RALGAPA2: variants seen among roughly 807,000 people sequenced by gnomAD.
RALGAPA2 encodes Ral GTPase activating protein catalytic subunit alpha 2.
RALGAPA2 carries 139 observed loss-of-function variants against 230.4 expected under a neutral mutation model. The ratio of observed to expected loss-of-function variants is 0.60; its 90% CI spans 0.53 to 0.69. The LOEUF (loss-of-function observed/expected upper bound fraction) is 0.69. Ranked by LOEUF, RALGAPA2 falls within the 30% of genes least tolerant of loss-of-function variation. The pLI, the probability that RALGAPA2 is intolerant of heterozygous loss-of-function variation, is 0.00. For missense variants in RALGAPA2, 2,163 were observed against 2,276.0 expected (o/e 0.95, Z 1.01); for synonymous variants, 847 against 837.8 (o/e 1.01, Z -0.19).
At chr20:20,411,066 TATAAG>T (rs878997285) in intron 38 of RALGAPA2, among the ~76,000 whole-genome samples, 8 of 152,178 alleles carry the variant, frequency 5.3e-5, no homozygotes, top group African/African-American at 1.4e-4. Flanking sequence ...TCACTTTGTG[TATAAG>T]ATATTTGTTA....
At chr20:20,598,731 C>T in intron 16 of RALGAPA2, 1 of 456,210 alleles carries the variant, frequency 2.2e-6, no homozygotes, top group Non-Finnish European at 4.4e-6. Flanking sequence ...AGAGAGCGCT[C>T]ACGGTGTGAA....
chr20:20,561,603 C>A (rs2064260016), intron 23 of RALGAPA2, among the ~76,000 whole-genome samples: 1 of 152,028 alleles, frequency 6.6e-6, no homozygotes, highest in Admixed American at 6.6e-5. Context: ...TGAAATTGTA[C>A]CCCCTTTTTG....
chr20:20,524,475 GT>G lies in RALGAPA2; in HGVS notation c.3830del (p.His1277ProfsTer8). On this transcript the variant is annotated frameshift_variant, in exon 30 of 40. Transcript: ENST00000202677. LOFTEE classifies it high-confidence loss of function. ...CMALPVSVLL[H>X]PVSTAVLEEQ... is the part of the protein sequence containing the mutation. ...CCTCTAGGACTGCTGTGGACACGGG[GT>G]GGAGAAGGACACTCACGGGCAATGC... The G allele has an allele frequency of 1.2e-6, 2 of 1,613,934 alleles. No individual in the cohort carries two copies. Among genetic ancestry groups the G allele is most frequent in the Non-Finnish European group, 1.7e-6 (2 of 1,179,842 alleles).
intron 37 of RALGAPA2, among the ~76,000 whole-genome samples, chr20:20,413,031 C>T (rs1423356533): frequency 6.6e-6 from 1 of 152,218 alleles, no homozygotes; most frequent in African/African-American, 2.4e-5. Flanking sequence ...GCACATACGA[C>T]GTTATGAATT....
At position 20,641,532 on chromosome 20, in the gene RALGAPA2, G is replaced by A. The variant is rs771093517; in HGVS notation, c.373-654C>T. Among the ~76,000 whole-genome samples the A allele has an allele frequency of 5.9e-5, 9 of 152,164 alleles. No homozygotes were observed. The South Asian group carries it at 8.3e-4, about 14-fold the overall frequency. ...CCATGCTCTGAATTGCCAGCATCAC[G>A]CTGTAGGAGACATCTACATAGGGAG... On this transcript the variant is annotated intron_variant, in intron 5 of 39. Coordinates refer to ENST00000202677, the MANE Select transcript of RALGAPA2 (RefSeq NM_020343.4).
At chr20:20,394,978 C>T (rs116906200) in intron 39 of RALGAPA2, among the ~76,000 whole-genome samples, 2,050 of 149,688 alleles carry the variant, frequency 0.014, 27 homozygotes, top group Middle Eastern at 0.061. Flanking sequence ...ATTCTGGATT[C>T]GAAGGAAAAC....
chr20:20,633,023 CTCTTTCTT>C (rs200404728), intron 9 of RALGAPA2, among the ~76,000 whole-genome samples: 1 of 150,270 alleles, frequency 6.7e-6, no homozygotes, highest in African/African-American at 2.4e-5. Flanking sequence ...CTCTCTCTCT[CTCTTTCTT>C]TCTTTCTTTT....
chr20:20,703,310 T>C (rs2147001008), intron 1 of RALGAPA2, among the ~76,000 whole-genome samples: 1 of 152,368 alleles, frequency 6.6e-6, no homozygotes, highest in Admixed American at 6.5e-5. Flanking sequence ...GGATTCAGAA[T>C]GAACTCAGAA....
In RALGAPA2 at chr20:20,601,820, T is replaced by G. The variant is rs2065663506; in HGVS notation, c.2065A>C (p.Thr689Pro). 6.2e-7 allele frequency: 1 copy of G among 1,609,682 alleles called. No homozygotes were observed. The highest frequency in any genetic ancestry group is 8.5e-7 in the Non-Finnish European group (1 of 1,178,410). ...AGAGAAAAGGACCTCCCCACGGTGG[T>G]TCCTTTCTGAGGATCTAGAACACAG... Reference protein sequence around the residue: ...KGCVLDPQKGTTVGRSFSLSW... With the variant: ...KGCVLDPQKGPTVGRSFSLSW... Residue 689 changes from threonine (T) to proline (P), a missense_variant, in exon 16 of 40, where the codon ACC becomes CCC. Physicochemically the swap from Thr to Pro is conservative, Grantham distance 38. Transcript: ENST00000202677.
chr20:20,632,169 C>T (rs1407581941), intron 9 of RALGAPA2, among the ~76,000 whole-genome samples: 3 of 151,948 alleles, frequency 2.0e-5, no homozygotes, highest in Non-Finnish European at 2.9e-5. Flanking sequence ...GGACTACAGG[C>T]GCCCGCCACC....
intron 14 of RALGAPA2, among the ~76,000 whole-genome samples, chr20:20,609,559 C>T (rs1048989827): frequency 2.0e-5 from 3 of 151,994 alleles, no homozygotes; most frequent in Non-Finnish European, 4.4e-5. Context: ...CAAAAAAATC[C>T]GAACCCCAGA....
At chr20:20,659,931 A>T in intron 3 of RALGAPA2, 1 of 364,258 alleles carries the variant, frequency 2.7e-6, no homozygotes, top group Non-Finnish European at 5.3e-6. Context: ...TCACCAGCTT[A>T]CAGAGCTACA....
chr20:20,403,168 G>A (rs1291705303), intron 38 of RALGAPA2, among the ~76,000 whole-genome samples: 1 of 152,154 alleles, frequency 6.6e-6, no homozygotes, highest in Admixed American at 6.5e-5. Context: ...GTACTCTTCA[G>A]CTCCTGAGAG....
chr20:20,658,210 T>C (rs1009797936), intron 3 of RALGAPA2, among the ~76,000 whole-genome samples: 1 of 152,172 alleles, frequency 6.6e-6, no homozygotes, highest in Non-Finnish European at 1.5e-5. Context: ...TATTCCCAAA[T>C]AGACAAAATC....
At chr20:20,465,576 C>T (rs563570508) in intron 37 of RALGAPA2, among the ~76,000 whole-genome samples, 1 of 152,178 alleles carries the variant, frequency 6.6e-6, no homozygotes, top group Non-Finnish European at 1.5e-5. Context: ...CTAGGGGGAG[C>T]ATCAGCCTGG....
intron 27 of RALGAPA2, among the ~76,000 whole-genome samples, chr20:20,530,450 A>G (rs1195989822): frequency 2.0e-5 from 3 of 152,136 alleles, no homozygotes. Flanking sequence ...GGGGAGGATG[A>G]GGCAATGGGG....
intron 38 of RALGAPA2, among the ~76,000 whole-genome samples, chr20:20,405,554 TGA>T (rs2059927742): frequency 8.5e-5 from 13 of 152,242 alleles, no homozygotes; most frequent in Admixed American, 2.0e-4. Flanking sequence ...CTTCCAGAGC[TGA>T]CACTGAGGAG....
chr20:20,589,625 G>A (rs1035614675), intron 17 of RALGAPA2, among the ~76,000 whole-genome samples: 1 of 152,052 alleles, frequency 6.6e-6, no homozygotes, highest in African/African-American at 2.4e-5. Flanking sequence ...GCGCATTTAT[G>A]TTCGCACAGG....
At chr20:20,488,085 CA>C (rs2061959593) in intron 36 of RALGAPA2, among the ~76,000 whole-genome samples, 1 of 152,070 alleles carries the variant, frequency 6.6e-6, no homozygotes, top group South Asian at 2.1e-4. Context: ...CCACAAATAC[CA>C]AAAGTCAGCC....
Sources: gnomAD v4.1 joint callset for allele counts (sites outside exome capture counted in the v4.1 genomes callset) on GRCh38, gnomAD v4.1.1 for gene constraint, MANE v1.5 for transcripts, NCBI Gene and HGNC (gene_info 2026-07-23, HGNC 2026-07-21) for gene names.